The following XPNPEP3 variants were observed in gnomAD, a reference collection of about 807,000 sequenced individuals.
The protein encoded by XPNPEP3 is X-prolyl aminopeptidase 3.
Under a neutral mutation model 60.0 loss-of-function variants are expected in XPNPEP3, and 41 were observed. The ratio of observed to expected loss-of-function variants is 0.68; its 90% CI spans 0.53 to 0.89. The LOEUF (loss-of-function observed/expected upper bound fraction) is 0.89, where lower values mean the gene tolerates loss of function less well. Among genes scored for constraint, XPNPEP3 ranks in the 40% least tolerant of loss-of-function variants. XPNPEP3 has a pLI of 0.00. For missense variants in XPNPEP3, 598 were observed against 638.9 expected, an observed-to-expected ratio of 0.94 and a Z score of 0.69; for synonymous variants, 212 against 223.2, an observed-to-expected ratio of 0.95 and a Z score of 0.45.
chr22:40,872,453 C>CTT (rs547007897), intron 2 of XPNPEP3, among the ~76,000 whole-genome samples: 10 of 144,004 alleles, frequency 6.9e-5, no homozygotes, highest in Non-Finnish European at 1.2e-4. Context: ...TGTGAGTCTA[C>CTT]TTTTTTTTTT....
chr22:40,914,451 C>A, intron 7 of XPNPEP3, 127 bp downstream of exon 7: 1 of 788,472 alleles, frequency 1.3e-6, no homozygotes, highest in Non-Finnish European at 2.1e-6. Flanking sequence ...GGTTGCAAAG[C>A]TCCTTATTAT....
At chr22:40,925,158 C>T (rs565021663) in intron 9 of XPNPEP3, among the ~76,000 whole-genome samples, 1 of 152,312 alleles carries the variant, frequency 6.6e-6, no homozygotes, top group African/African-American at 2.4e-5. Flanking sequence ...AACACCTCTG[C>T]AAGCTGCATT....
chr22:40,870,290 G>T, intron 2 of XPNPEP3: 1 of 290,550 alleles, frequency 3.4e-6, no homozygotes. Flanking sequence ...ATTTTTACAT[G>T]GTAAGCTGCA....
chr22:40,874,624 C>A (rs1312553095), intron 2 of XPNPEP3, among the ~76,000 whole-genome samples: 1 of 152,112 alleles, frequency 6.6e-6, no homozygotes, highest in Non-Finnish European at 1.5e-5. Flanking sequence ...TAAGGTCTCA[C>A]TATGTTGCCC....
chr22:40,888,005 A>G (rs558437890), intron 4 of XPNPEP3, among the ~76,000 whole-genome samples: 50 of 152,324 alleles, frequency 3.3e-4, no homozygotes, highest in African/African-American at 1.2e-3. Context: ...AATCAATGAC[A>G]TTAAGTACAT....
At position 40,913,596 on chromosome 22, in the gene XPNPEP3, T is replaced by TA. The variant is rs997559035; in HGVS notation, c.970-634dup. ...CAAAGGCATATGGGTTTTTTTTTCT[T>TA]AAAAAAAAATGATAATAGTGATATT... On this transcript the variant is annotated intron_variant, in intron 6 of 9. Transcript: ENST00000357137. Among the ~76,000 whole-genome samples the TA allele has an allele frequency of 4.8e-4, 72 of 151,010 alleles. No individual in the cohort carries two copies. The East Asian group carries it at 7.0e-3, about 15-fold the overall frequency.
chr22:40,922,317 G>GT lies in XPNPEP3; in HGVS notation c.1056-12dup, dbSNP rs1464557868. The GT allele has an allele frequency of 6.2e-7, 1 of 1,613,564 alleles. No homozygotes were observed. Among genetic ancestry groups the GT allele is most frequent in the Non-Finnish European group, 8.5e-7 (1 of 1,179,778 alleles). Reference sequence around the variant, plus strand: ...AGATTATCTAAGTTCAGGTTCTTTGGTTTTCCCGTCCCCAGGTTCACCGCA... The same window carrying GT: ...AGATTATCTAAGTTCAGGTTCTTTGGTTTTTCCCGTCCCCAGGTTCACCGCA... On this transcript the variant is annotated splice_polypyrimidine_tract_variant and intron_variant, in intron 7 of 9. Coordinates refer to ENST00000357137, the MANE Select transcript of XPNPEP3 (RefSeq NM_022098.4).
At position 40,898,134 on chromosome 22, in the gene XPNPEP3, C is replaced by G. The variant is rs1012066339; in HGVS notation, c.793-9453C>G. ...GTTAACTGTGCTTTTGGTGTCATAT[C>G]CAAGAAAATATTACCAAATCCAGTG... On this transcript the variant is annotated intron_variant, in intron 4 of 9. Transcript: ENST00000357137. Among the ~76,000 whole-genome samples the G allele has an allele frequency of 1.0e-4, 15 of 150,182 alleles. 1 individual carries two copies. The highest frequency in any genetic ancestry group is 2.9e-4 in the African/African-American group (12 of 41,032).
At chr22:40,918,409 C>T (rs555836141) in intron 7 of XPNPEP3, among the ~76,000 whole-genome samples, 7 of 152,126 alleles carry the variant, frequency 4.6e-5, no homozygotes, top group Admixed American at 4.6e-4. Flanking sequence ...CAGTGGCTCA[C>T]GCCTGTAATC....
At chr22:40,918,141 G>T (rs781365532) in intron 7 of XPNPEP3, among the ~76,000 whole-genome samples, 2 of 152,024 alleles carry the variant, frequency 1.3e-5, no homozygotes, top group Non-Finnish European at 1.5e-5. Flanking sequence ...GGAGGCTGAC[G>T]CAGGAGGATC....
At chr22:40,909,091 C>T (rs1370927918) in intron 5 of XPNPEP3, 31 bp from the exon 6 acceptor site, 2 of 1,604,616 alleles carry the variant, frequency 1.2e-6, no homozygotes, top group Non-Finnish European at 1.7e-6. Context: ...TACAGAAACC[C>T]TTTGTCATAC....
chr22:40,901,887 A>G (rs2146265590), intron 4 of XPNPEP3, among the ~76,000 whole-genome samples: 1 of 152,138 alleles, frequency 6.6e-6, no homozygotes, highest in South Asian at 2.1e-4. Context: ...TGGGTAAGGG[A>G]TTTTCTTTTC....
At chr22:40,861,598 C>G (rs1017492498) in intron 1 of XPNPEP3, 8 of 1,612,990 alleles carry the variant, frequency 5.0e-6, no homozygotes, top group African/African-American at 1.3e-5. Flanking sequence ...TATCCTGCAT[C>G]TCTGTTTCTG....
At chr22:40,916,180 T>C in intron 7 of XPNPEP3, among the ~76,000 whole-genome samples, 1 of 151,786 alleles carries the variant, frequency 6.6e-6, no homozygotes, top group Non-Finnish European at 1.5e-5. Flanking sequence ...TAATCCCAGC[T>C]ACTCGGGAGG....
intron 1 of XPNPEP3, chr22:40,861,347 A>C: frequency 6.2e-7 from 1 of 1,614,136 alleles, no homozygotes; most frequent in South Asian, 1.1e-5. Flanking sequence ...TCAACTCTCC[A>C]TTATCTTCAG....
At chr22:40,865,772 C>G (rs995221706) in intron 1 of XPNPEP3, among the ~76,000 whole-genome samples, 4 of 151,200 alleles carry the variant, frequency 2.6e-5, no homozygotes, top group African/African-American at 7.3e-5. Context: ...CTCAAGTGAT[C>G]TGTCTGCCTG....
rs2058048333 is a variant in XPNPEP3, at chr22:40,881,592, A to AT, written c.182-173dup. 2.6e-5 allele frequency among the ~76,000 whole-genome samples: 4 copies of AT among 152,190 alleles called. No homozygotes were observed. In the South Asian group the frequency reaches 8.3e-4, roughly 32 times the overall value. On this transcript the variant is annotated intron_variant, in intron 2 of 9. Transcript: ENST00000357137. The stretch of plus-strand genomic sequence containing the variant: ...CACATTCAACTATCATTTCTTCCAA[A>AT]TTTTTGCAGTGGAATACAAGTTTGA...
intron 2 of XPNPEP3, among the ~76,000 whole-genome samples, chr22:40,873,935 C>G (rs1394522612): frequency 1.3e-5 from 2 of 151,822 alleles, no homozygotes; most frequent in African/African-American, 2.4e-5. Flanking sequence ...AATCTTTTTC[C>G]CTTAAGAGTT....
At chr22:40,902,585 A>G (rs1252967652) in intron 4 of XPNPEP3, among the ~76,000 whole-genome samples, 1 of 151,834 alleles carries the variant, frequency 6.6e-6, no homozygotes, top group African/African-American at 2.4e-5. Context: ...GGGTTTCACC[A>G]TGTTGGTCAG....
Sources: gnomAD v4.1 joint callset for allele counts (sites outside exome capture counted in the v4.1 genomes callset) on GRCh38, gnomAD v4.1.1 for gene constraint, MANE v1.5 for transcripts, NCBI Gene and HGNC (gene_info 2026-07-23, HGNC 2026-07-21) for gene names.